Variants in SPAG16 observed in about 807,000 individuals in gnomAD.
SPAG16 encodes the protein sperm-associated antigen 16 protein.
In SPAG16, 86 loss-of-function variants were observed where a neutral mutation model predicts 80.4. That is an observed-to-expected ratio of 1.07 (90% CI 0.90 to 1.28). The LOEUF is 1.28. Ranked by LOEUF, SPAG16 falls within the 50% of genes most tolerant of loss-of-function variation. The pLI, the probability that SPAG16 is intolerant of heterozygous loss-of-function variation, is 0.00. For missense variants in SPAG16, 870 were observed against 765.3 expected, an observed-to-expected ratio of 1.14 and a Z score of -1.61; for synonymous variants, 294 against 265.9, an observed-to-expected ratio of 1.11 and a Z score of -1.03.
chr2:213,323,461 C>T (rs2063711879), intron 5 of SPAG16, among the ~76,000 whole-genome samples: 1 of 151,964 alleles, frequency 6.6e-6, no homozygotes, highest in African/African-American at 2.4e-5. Context: ...TAGAAAAATA[C>T]AAACAATAAC....
intron 10 of SPAG16, among the ~76,000 whole-genome samples, chr2:213,858,165 T>G (rs1418624427): frequency 6.6e-6 from 1 of 152,224 alleles, no homozygotes; most frequent in African/African-American, 2.4e-5. Context: ...ACATATTTGA[T>G]AAAGATGTTT....
At chr2:213,942,383 A>C (rs923028605) in intron 12 of SPAG16, among the ~76,000 whole-genome samples, 5 of 151,380 alleles carry the variant, frequency 3.3e-5, no homozygotes, top group East Asian at 1.9e-4. Context: ...AATCCCTAAC[A>C]CTCTCCCCAC....
intron 12 of SPAG16, among the ~76,000 whole-genome samples, chr2:213,952,111 A>G (rs1192755355): frequency 6.6e-6 from 1 of 152,124 alleles, no homozygotes; most frequent in Non-Finnish European, 1.5e-5. Flanking sequence ...TCTCTACAGA[A>G]AATTGTTTTG....
intron 10 of SPAG16, among the ~76,000 whole-genome samples, chr2:213,614,224 T>C (rs1194998429): frequency 6.6e-6 from 1 of 152,240 alleles, no homozygotes; most frequent in African/African-American, 2.4e-5. Flanking sequence ...CAGCATTCAC[T>C]AGGATTTTTA....
chr2:213,926,605 T>C (rs756383685), intron 11 of SPAG16, among the ~76,000 whole-genome samples: 13 of 152,142 alleles, frequency 8.5e-5, no homozygotes, highest in Non-Finnish European at 1.6e-4. Flanking sequence ...AATTTTATTT[T>C]TAAAATTTCT....
chr2:213,780,366 T>C (rs748718755), intron 10 of SPAG16, among the ~76,000 whole-genome samples: 5 of 152,216 alleles, frequency 3.3e-5, no homozygotes, highest in Non-Finnish European at 7.3e-5. Flanking sequence ...CTTCCCATTT[T>C]TCTCTGACTT....
intron 15 of SPAG16, among the ~76,000 whole-genome samples, chr2:214,319,348 G>T (rs1186734657): frequency 2.0e-5 from 3 of 152,102 alleles, no homozygotes; most frequent in African/African-American, 7.2e-5. Flanking sequence ...GGTATGTACA[G>T]AGTAGGGAAA....
chr2:213,735,726 C>T (rs945772730), intron 10 of SPAG16, among the ~76,000 whole-genome samples: 2 of 152,152 alleles, frequency 1.3e-5, no homozygotes, highest in Admixed American at 1.3e-4. Flanking sequence ...GAAATATGTT[C>T]CATCTCTGTG....
chr2:214,317,672 G>A (rs903638845), intron 15 of SPAG16, among the ~76,000 whole-genome samples: 3 of 152,230 alleles, frequency 2.0e-5, no homozygotes, highest in African/African-American at 7.2e-5. Context: ...CAGGGTTCTG[G>A]TTCTCTGTGA....
Position 214,305,395 on chromosome 2 carries a change from T to G in SPAG16, c.1721-104745T>G, listed in dbSNP as rs6731046. 6.9e-3 allele frequency among the ~76,000 whole-genome samples: 1,053 copies of G among 152,318 alleles called. 10 individuals carry two copies. Among genetic ancestry groups the G allele is most frequent in the African/African-American group, 0.024 (1,017 of 41,570 alleles). ...GTTTAATTAGATCCCATTTGTCAACTTTTTCATTTTGTTGCAATTGCTTTT... is the reference window on the plus strand; with the variant it reads ...GTTTAATTAGATCCCATTTGTCAACGTTTTCATTTTGTTGCAATTGCTTTT... On this transcript the variant is annotated intron_variant, in intron 15 of 15. Coordinates refer to ENST00000331683, the MANE Select transcript of SPAG16 (RefSeq NM_024532.5).
At chr2:213,536,164 AT>A (rs981994624) in intron 10 of SPAG16, among the ~76,000 whole-genome samples, 1 of 151,864 alleles carries the variant, frequency 6.6e-6, no homozygotes, top group Non-Finnish European at 1.5e-5. Context: ...GAGGATGTTG[AT>A]TTTTTTCTTC....
rs113820385 is a variant in SPAG16, at chr2:214,171,695, A to G, written c.1720+22429A>G. ...ACTCCTATGTAGTAAGACAAATTTTATCTTTTTCCATAGAATTGAATAATT... is the reference window on the plus strand; with the variant it reads ...ACTCCTATGTAGTAAGACAAATTTTGTCTTTTTCCATAGAATTGAATAATT... On this transcript the variant is annotated intron_variant, in intron 15 of 15. Coordinates refer to ENST00000331683, the MANE Select transcript of SPAG16 (RefSeq NM_024532.5). Among the ~76,000 whole-genome samples the G allele has an allele frequency of 1.5e-4, 23 of 152,098 alleles. 1 individual carries two copies. Among genetic ancestry groups the G allele is most frequent in the African/African-American group, 5.5e-4 (23 of 41,558 alleles).
At chr2:214,338,541 A>T (rs2126025578) in intron 15 of SPAG16, among the ~76,000 whole-genome samples, 1 of 152,188 alleles carries the variant, frequency 6.6e-6, no homozygotes, top group East Asian at 1.9e-4. Flanking sequence ...AAAATCCTCC[A>T]GTGGTATTCC....
intron 10 of SPAG16, among the ~76,000 whole-genome samples, chr2:213,551,309 T>G (rs1336407646): frequency 6.6e-6 from 1 of 152,170 alleles, no homozygotes; most frequent in East Asian, 1.9e-4. Context: ...TATCTTGTAG[T>G]GATATGTGAT....
intron 15 of SPAG16, among the ~76,000 whole-genome samples, chr2:214,333,840 G>A (rs537904232): frequency 2.6e-5 from 4 of 152,332 alleles, no homozygotes; most frequent in African/African-American, 9.6e-5. Context: ...AAACAACTGA[G>A]TCAAAGCACT....
chr2:214,153,068 G>A (rs1281340093), intron 15 of SPAG16, among the ~76,000 whole-genome samples: 1 of 152,064 alleles, frequency 6.6e-6, no homozygotes, highest in African/African-American at 2.4e-5. Context: ...AGGTGGAGGA[G>A]CAGTCTTCTC....
Position 214,230,908 on chromosome 2 carries a change from A to G in SPAG16, c.1720+81642A>G, listed in dbSNP as rs545302390. Among the ~76,000 whole-genome samples the G allele has an allele frequency of 1.5e-3, 233 of 152,106 alleles. 2 individuals carry two copies. Among genetic ancestry groups the G allele is most frequent in the African/African-American group, 5.5e-3 (227 of 41,536 alleles). ...AAGATGGGCCAAACAGAACCAAACC[A>G]TCTGTCTATCTTGGGTCTCAAAGCT... On this transcript the variant is annotated intron_variant, in intron 15 of 15. Transcript: ENST00000331683.
chr2:213,508,291 G>C (rs968774112), intron 10 of SPAG16, among the ~76,000 whole-genome samples: 2 of 152,180 alleles, frequency 1.3e-5, no homozygotes, highest in African/African-American at 4.8e-5. Flanking sequence ...TGATGAGTTC[G>C]GCTGGGCGCG....
intron 10 of SPAG16, among the ~76,000 whole-genome samples, chr2:213,615,188 C>G (rs2061552264): frequency 6.6e-6 from 1 of 152,196 alleles, no homozygotes; most frequent in Non-Finnish European, 1.5e-5. Context: ...AGTTGCAATC[C>G]TCATGTCTTG....
Sources: gnomAD v4.1 joint callset for allele counts (sites outside exome capture counted in the v4.1 genomes callset) on GRCh38, gnomAD v4.1.1 for gene constraint, MANE v1.5 for transcripts, NCBI Gene and HGNC (gene_info 2026-07-23, HGNC 2026-07-21) for gene names.